Variants in LRMDA observed in about 807,000 individuals in gnomAD.
LRMDA encodes leucine-rich melanocyte differentiation-associated protein.
A neutral mutation model predicts 29.8 loss-of-function variants in LRMDA; 18 were observed. The ratio of observed to expected loss-of-function variants is 0.60; its 90% confidence interval spans 0.42 to 0.90. LRMDA has a LOEUF of 0.90. Ranked by LOEUF, LRMDA falls within the 40% of genes least tolerant of loss-of-function variation. The probability of loss-of-function intolerance (pLI) is 0.00; values close to 1 mark genes in which losing one functional copy is unlikely to be tolerated. For missense variants in LRMDA, 273 were observed against 273.9 expected (o/e 1.00, Z 0.02); for synonymous variants, 125 against 109.4 (o/e 1.14, Z -0.89).
intron 2 of LRMDA, among the ~76,000 whole-genome samples, chr10:75,509,227 G>C (rs960462912): frequency 1.3e-5 from 2 of 152,082 alleles, no homozygotes; most frequent in African/African-American, 4.8e-5. Context: ...GTGTTGTCTG[G>C]GAGCAGAAAC....
At chr10:75,750,251 G>GGGGC (rs1279364294) in intron 2 of LRMDA, among the ~76,000 whole-genome samples, 1 of 151,088 alleles carries the variant, frequency 6.6e-6, no homozygotes, top group Non-Finnish European at 1.5e-5. Context: ...CTGCCGGGCG[G>GGGGC]GGGCTGCCCA....
intron 2 of LRMDA, among the ~76,000 whole-genome samples, chr10:75,522,672 T>C (rs1312197608): frequency 1.3e-5 from 2 of 152,214 alleles, no homozygotes; most frequent in Non-Finnish European, 2.9e-5. Flanking sequence ...CCTTCTTTGT[T>C]CTACAACATG....
intron 2 of LRMDA, among the ~76,000 whole-genome samples, chr10:75,608,552 G>A (rs1235311963): frequency 2.6e-5 from 4 of 152,058 alleles, no homozygotes; most frequent in Admixed American, 6.5e-5. Context: ...TGACTATAAT[G>A]TTCAGTTCAC....
intron 2 of LRMDA, among the ~76,000 whole-genome samples, chr10:75,607,825 T>A (rs896776430): frequency 2.7e-5 from 2 of 72,874 alleles, no homozygotes; most frequent in Admixed American, 1.2e-4. Flanking sequence ...GATTCAGTGG[T>A]TTTTTTTTTT....
chr10:76,221,790 A>C (rs1851844634), intron 5 of LRMDA, among the ~76,000 whole-genome samples: 1 of 152,132 alleles, frequency 6.6e-6, no homozygotes, highest in Non-Finnish European at 1.5e-5. Flanking sequence ...TATGGAACCA[A>C]AAAAGAGCCC....
rs1042977373 is a variant in LRMDA, at chr10:75,969,735, C to G, written c.132-66273C>G. ...TAAACTATGTGTCAAATAGGCTTCC[C>G]TGGACTTTTTTTAGGAAACTCACCA... On this transcript the variant is annotated intron_variant, in intron 2 of 6. Transcript: ENST00000611255. 1.7e-4 allele frequency among the ~76,000 whole-genome samples: 25 copies of G among 143,886 alleles called. No homozygotes were observed. The East Asian group carries it at 4.0e-3, about 23-fold the overall frequency. 94.4% of individuals were successfully genotyped at this position (143,886 alleles called of 152,430 possible). A position where few individuals can be genotyped will look rare whatever the true frequency, so the allele number is the denominator to read the frequency against.
At position 76,315,469 on chromosome 10, in the gene LRMDA, C is replaced by T. The variant is rs564644811; in HGVS notation, c.517-8932C>T. Among the ~76,000 whole-genome samples the T allele has an allele frequency of 9.8e-5, 15 of 152,328 alleles. No homozygotes were observed. The East Asian group carries it at 2.9e-3, about 29-fold the overall frequency. On this transcript the variant is annotated intron_variant, in intron 5 of 6. Coordinates refer to ENST00000611255, the MANE Select transcript of LRMDA (RefSeq NM_001305581.2). The stretch of plus-strand genomic sequence containing the variant: ...CCTCTCCCTGCTCCCGGTGCCCACT[C>T]CAGTGCAGAGCAAAGTTGTGGCCAA...
At chr10:76,404,472 G>A (rs780094237) in intron 6 of LRMDA, among the ~76,000 whole-genome samples, 8 of 152,154 alleles carry the variant, frequency 5.3e-5, no homozygotes, top group Non-Finnish European at 1.0e-4. Context: ...TTACAATGGT[G>A]TATGAGGCCC....
chr10:75,600,004 A>G (rs1840861140), intron 2 of LRMDA, among the ~76,000 whole-genome samples: 1 of 152,230 alleles, frequency 6.6e-6, no homozygotes, highest in African/African-American at 2.4e-5. Context: ...TACCCAGGGC[A>G]GTAAGCAAGA....
intron 6 of LRMDA, among the ~76,000 whole-genome samples, chr10:76,552,204 C>T (rs1408588774): frequency 6.6e-6 from 1 of 152,228 alleles, no homozygotes; most frequent in Non-Finnish European, 1.5e-5. Context: ...TTGTTTTTCA[C>T]CACTAAAATA....
At chr10:76,006,446 G>T (rs73279679) in intron 2 of LRMDA, among the ~76,000 whole-genome samples, 1,635 of 152,256 alleles carry the variant, frequency 0.011, 39 homozygotes, top group African/African-American at 0.037. Context: ...AACCAGGTGG[G>T]TAAGAAACCA....
intron 6 of LRMDA, among the ~76,000 whole-genome samples, chr10:76,476,853 C>T (rs1470499609): frequency 2.6e-5 from 4 of 152,240 alleles, no homozygotes; most frequent in Admixed American, 6.5e-5. Flanking sequence ...TTCAACAGCC[C>T]TTCATGCTAA....
At chr10:76,214,635 C>T (rs139523567) in intron 5 of LRMDA, among the ~76,000 whole-genome samples, 1,910 of 152,240 alleles carry the variant, frequency 0.013, 40 homozygotes, top group African/African-American at 0.042. Flanking sequence ...TGAGCCACCG[C>T]GCCCGGCCGC....
intron 5 of LRMDA, among the ~76,000 whole-genome samples, chr10:76,065,457 A>G (rs1341250934): frequency 6.6e-6 from 1 of 152,224 alleles, no homozygotes; most frequent in Non-Finnish European, 1.5e-5. Flanking sequence ...CCATGAAGCC[A>G]GTGCCTGGGG....
chr10:75,980,265 G>C (rs768229091), intron 2 of LRMDA, among the ~76,000 whole-genome samples: 3 of 152,146 alleles, frequency 2.0e-5, no homozygotes, highest in Non-Finnish European at 2.9e-5. Flanking sequence ...ACAAAAATGG[G>C]ACACTGAGAT....
chr10:75,731,507 C>T (rs113962733), intron 2 of LRMDA, among the ~76,000 whole-genome samples: 295 of 152,298 alleles, frequency 1.9e-3, no homozygotes, highest in Non-Finnish European at 3.4e-3. Flanking sequence ...GCCTGGCCCA[C>T]AGTAAATGTT....
intron 2 of LRMDA, among the ~76,000 whole-genome samples, chr10:75,844,295 A>G (rs1844594943): frequency 6.6e-6 from 1 of 152,162 alleles, no homozygotes; most frequent in Admixed American, 6.5e-5. Flanking sequence ...TTCCTTTTGC[A>G]AAATCAGCAT....
chr10:76,331,429 A>G (rs1027560654), intron 6 of LRMDA, among the ~76,000 whole-genome samples: 9 of 152,232 alleles, frequency 5.9e-5, no homozygotes, highest in African/African-American at 2.2e-4. Flanking sequence ...GTCTTTCAAG[A>G]GAGCTAAGCA....
At chr10:75,540,239 A>C (rs1184754440) in intron 2 of LRMDA, among the ~76,000 whole-genome samples, 1 of 152,210 alleles carries the variant, frequency 6.6e-6, no homozygotes, top group African/African-American at 2.4e-5. Context: ...TGAAGGTGAG[A>C]TAGCTTGTGC....
Sources: gnomAD v4.1 joint callset for allele counts (sites outside exome capture counted in the v4.1 genomes callset) on GRCh38, gnomAD v4.1.1 for gene constraint, MANE v1.5 for transcripts, NCBI Gene and HGNC (gene_info 2026-07-23, HGNC 2026-07-21) for gene names.